Variants in SYTL2 observed in about 807,000 individuals in gnomAD.
The protein encoded by SYTL2 is synaptotagmin like 2.
SYTL2 carries 165 observed loss-of-function variants against 198.7 expected under a neutral mutation model. That is an observed-to-expected ratio of 0.83 (90% CI 0.73 to 0.94). The LOEUF (loss-of-function observed/expected upper bound fraction) is 0.94, where lower values mean the gene tolerates loss of function less well. Among genes scored for constraint, SYTL2 ranks in the 40% least tolerant of loss-of-function variants. The pLI, the probability that SYTL2 is intolerant of heterozygous loss-of-function variation, is 0.00. For synonymous variants in SYTL2, 966 were observed against 917.7 expected, an observed-to-expected ratio of 1.05 and a Z score of -0.95; for missense variants, 2,835 against 2,582.8, an observed-to-expected ratio of 1.10 and a Z score of -2.12.
At chr11:85,780,417 A>G (rs1024537207) in intron 1 of SYTL2, among the ~76,000 whole-genome samples, 1 of 152,218 alleles carries the variant, frequency 6.6e-6, no homozygotes, top group Non-Finnish European at 1.5e-5. Flanking sequence ...GCTGGTCACA[A>G]TAAAGACTAA....
intron 1 of SYTL2, among the ~76,000 whole-genome samples, chr11:85,759,573 T>G (rs2092031152): frequency 6.6e-6 from 1 of 152,192 alleles, no homozygotes. Context: ...CGCTCTGAGT[T>G]CACACTTTTT....
chr11:85,699,754 G>T (rs1388232570), intron 17 of SYTL2, among the ~76,000 whole-genome samples: 1 of 152,158 alleles, frequency 6.6e-6, no homozygotes, highest in Non-Finnish European at 1.5e-5. Flanking sequence ...CTAACTTGGG[G>T]AACTTGCTTG....
upstream of SYTL2, among the ~76,000 whole-genome samples, chr11:85,813,983 C>T (rs376063621): frequency 1.1e-4 from 17 of 152,172 alleles, no homozygotes; most frequent in Middle Eastern, 3.2e-3. Context: ...GTTGGGATTA[C>T]GGGCGTGAGC....
chr11:85,784,704 C>G (rs1566021252), intron 1 of SYTL2, among the ~76,000 whole-genome samples: 1 of 152,138 alleles, frequency 6.6e-6, no homozygotes, highest in Non-Finnish European at 1.5e-5. Context: ...AACTTTATTA[C>G]ATGTTCGTTT....
At chr11:85,819,598 G>T in the SYTL2 span, among the ~76,000 whole-genome samples, 2 of 152,202 alleles carry the variant, frequency 1.3e-5, no homozygotes, top group African/African-American at 4.8e-5. Context: ...AAGTGTTTAT[G>T]TCATGCTTGC....
Position 85,734,139 on chromosome 11 carries a change from G to A in SYTL2, c.1190C>T (p.Thr397Ile), listed in dbSNP as rs1297353666. Reference sequence around the variant, plus strand: ...ACTTTTTGATACATATGGGCTTGAGGTTGATTGATGAAAAAGCGAAGGCTT... The same window carrying A: ...ACTTTTTGATACATATGGGCTTGAGATTGATTGATGAAAAAGCGAAGGCTT... Reference protein sequence around the residue: ...YRKPSLFHQSTSSPYVSKSET... With the variant: ...YRKPSLFHQSISSPYVSKSET... Residue 397 changes from threonine (T) to isoleucine (I), a missense_variant, in exon 7 of 20, where the codon ACC becomes ATC. Coordinates refer to ENST00000359152, the MANE Select transcript of SYTL2 (RefSeq NM_206927.4). 2 of 1,614,216 alleles carry A rather than the reference G, an allele frequency of 1.2e-6. No homozygotes were observed. Among genetic ancestry groups the A allele is most frequent in the East Asian group, 2.2e-5 (1 of 44,890 alleles).
the SYTL2 span, among the ~76,000 whole-genome samples, chr11:85,836,220 A>G: frequency 6.6e-6 from 1 of 152,066 alleles, no homozygotes; most frequent in East Asian, 1.9e-4. Flanking sequence ...CTTCTGCTCA[A>G]AATCATTGTT....
intron 3 of SYTL2, 151 bp downstream of exon 3, chr11:85,748,121 G>T: frequency 1.1e-6 from 1 of 922,492 alleles, no homozygotes; most frequent in Non-Finnish European, 1.6e-6. Flanking sequence ...CCAAATCCAA[G>T]GCAAGGGAAA....
chr11:85,821,438 G>A, the SYTL2 span, among the ~76,000 whole-genome samples: 1 of 152,186 alleles, frequency 6.6e-6, no homozygotes, highest in African/African-American at 2.4e-5. Flanking sequence ...ACAACTGGAG[G>A]TGAAGGCACC....
chr11:85,804,765 A>G (rs549055121), intron 1 of SYTL2, among the ~76,000 whole-genome samples: 1 of 152,318 alleles, frequency 6.6e-6, no homozygotes, highest in African/African-American at 2.4e-5. Context: ...AAATAACTGA[A>G]TAAAATGAAT....
chr11:85,713,955 T>C (rs777213700), intron 12 of SYTL2, among the ~76,000 whole-genome samples: 14 of 152,144 alleles, frequency 9.2e-5, no homozygotes, highest in Non-Finnish European at 1.5e-5. Context: ...CCTAGGGTTG[T>C]TGAAGGATTA....
intron 6 of SYTL2, 21 bp from the exon 7 acceptor site, chr11:85,734,763 G>A (rs1411759028): frequency 6.4e-7 from 1 of 1,556,072 alleles, no homozygotes; most frequent in Non-Finnish European, 8.8e-7. Context: ...AAACACAGTA[G>A]GTGATATATC....
intron 2 of SYTL2, among the ~76,000 whole-genome samples, chr11:85,754,849 G>C (rs1427043861): frequency 2.0e-5 from 3 of 152,108 alleles, no homozygotes; most frequent in Admixed American, 2.0e-4. Context: ...AACCCTTACT[G>C]TTCCTTTCTG....
At chr11:85,850,738 G>A in the SYTL2 span, among the ~76,000 whole-genome samples, 1 of 150,716 alleles carries the variant, frequency 6.6e-6, no homozygotes, top group Non-Finnish European at 1.5e-5. Context: ...TATGTTTATT[G>A]CGGCATTATT....
chr11:85,742,020 G>A (rs1031997322), intron 4 of SYTL2, among the ~76,000 whole-genome samples: 1 of 152,104 alleles, frequency 6.6e-6, no homozygotes, highest in Non-Finnish European at 1.5e-5. Context: ...ACCTGCCAAT[G>A]CCATGGACTG....
At chr11:85,815,445 A>G (rs1476242782), upstream of SYTL2, among the ~76,000 whole-genome samples, 1 of 152,252 alleles carries the variant, frequency 6.6e-6, no homozygotes, top group Non-Finnish European at 1.5e-5. Context: ...ATTTGTAAAT[A>G]CTGAATATTC....
At chr11:85,747,660 C>T (rs887420349) in intron 3 of SYTL2, among the ~76,000 whole-genome samples, 6 of 152,146 alleles carry the variant, frequency 3.9e-5, no homozygotes, top group Non-Finnish European at 7.3e-5. Context: ...AGCTAACAGG[C>T]TCTTGAATAT....
At chr11:85,730,198 A>G (rs2089655417) in intron 7 of SYTL2, among the ~76,000 whole-genome samples, 1 of 152,224 alleles carries the variant, frequency 6.6e-6, no homozygotes, top group African/African-American at 2.4e-5. Context: ...TTCTGAAACT[A>G]TCCCAAACAA....
chr11:85,745,881 C>G, intron 3 of SYTL2, 109 bp from the exon 4 acceptor site: 4 of 1,152,028 alleles, frequency 3.5e-6, no homozygotes, highest in Non-Finnish European at 4.9e-6. Context: ...TCAGGCCTTC[C>G]CAGTGCCAAG....
Sources: gnomAD v4.1 joint callset for allele counts (sites outside exome capture counted in the v4.1 genomes callset) on GRCh38, gnomAD v4.1.1 for gene constraint, MANE v1.5 for transcripts, NCBI Gene and HGNC (gene_info 2026-07-23, HGNC 2026-07-21) for gene names.